Variants in CNBD1 observed in about 807,000 individuals in gnomAD.
CNBD1 encodes cyclic nucleotide-binding domain-containing protein 1.
In CNBD1, 71 loss-of-function variants were observed where a neutral mutation model predicts 54.4. That is an observed-to-expected ratio of 1.30 (90% CI 1.08 to 1.59). The LOEUF is 1.59. CNBD1 is among the 40% of genes most tolerant of loss of function. The pLI is 0.00. For synonymous variants in CNBD1, 182 were observed against 170.7 expected, an observed-to-expected ratio of 1.07 and a Z score of -0.51; for missense variants, 659 against 518.0, an observed-to-expected ratio of 1.27 and a Z score of -2.64.
At chr8:87,017,642 C>CT (rs1809391662) in intron 4 of CNBD1, among the ~76,000 whole-genome samples, 1 of 152,150 alleles carries the variant, frequency 6.6e-6, no homozygotes, top group East Asian at 1.9e-4. Context: ...CCTAATAGCT[C>CT]TCGTGAGCTG....
chr8:86,997,333 T>C (rs1019959242), intron 4 of CNBD1, among the ~76,000 whole-genome samples: 3 of 152,184 alleles, frequency 2.0e-5, no homozygotes, highest in African/African-American at 7.2e-5. Context: ...TTGAGCATCA[T>C]TGCTGTTTTC....
intron 8 of CNBD1, among the ~76,000 whole-genome samples, chr8:87,303,905 A>T (rs1341433421): frequency 6.6e-6 from 1 of 152,220 alleles, no homozygotes; most frequent in African/African-American, 2.4e-5. Flanking sequence ...ATCACTGGCC[A>T]TCAGAGAAAT....
chr8:87,277,924 G>C (rs1808517559), intron 6 of CNBD1, among the ~76,000 whole-genome samples: 1 of 151,518 alleles, frequency 6.6e-6, no homozygotes, highest in Non-Finnish European at 1.5e-5. Flanking sequence ...AGATATTGGA[G>C]TTATTAGTTC....
chr8:87,168,294 T>G (rs1418402769), intron 4 of CNBD1, among the ~76,000 whole-genome samples: 1 of 152,024 alleles, frequency 6.6e-6, no homozygotes, highest in South Asian at 2.1e-4. Flanking sequence ...TTATTTTTAT[T>G]TTATGGGTTC....
chr8:87,214,832 G>A (rs1175894409), intron 5 of CNBD1, among the ~76,000 whole-genome samples: 1 of 152,038 alleles, frequency 6.6e-6, no homozygotes, highest in Non-Finnish European at 1.5e-5. Flanking sequence ...ACTGCCATGA[G>A]AACAGTATGG....
At chr8:87,397,822 G>A (rs1003177330) in intron 2 of CNBD1, among the ~76,000 whole-genome samples, 4 of 151,948 alleles carry the variant, frequency 2.6e-5, no homozygotes, top group Non-Finnish European at 4.4e-5. Flanking sequence ...CTGAATCATG[G>A]GGGCAGGTCT....
intron 8 of CNBD1, among the ~76,000 whole-genome samples, chr8:87,302,441 C>T (rs533474410): frequency 2.2e-5 from 3 of 134,170 alleles, no homozygotes; most frequent in African/African-American, 8.2e-5. Context: ...TTCAACAACC[C>T]TTCATGCTAA....
chr8:87,315,703 G>A (rs1419191452), intron 8 of CNBD1, among the ~76,000 whole-genome samples: 1 of 151,982 alleles, frequency 6.6e-6, no homozygotes, highest in Non-Finnish European at 1.5e-5. Context: ...AGTTTTGGAG[G>A]GGTAAAATAT....
At chr8:87,244,404 A>G (rs1807760480) in intron 6 of CNBD1, among the ~76,000 whole-genome samples, 1 of 152,176 alleles carries the variant, frequency 6.6e-6, no homozygotes, top group Non-Finnish European at 1.5e-5. Context: ...TGGAGCTCCA[A>G]GACTTTCTTT....
chr8:87,341,391 T>C (rs755924658), intron 8 of CNBD1, among the ~76,000 whole-genome samples: 14 of 152,116 alleles, frequency 9.2e-5, no homozygotes, highest in Non-Finnish European at 1.9e-4. Context: ...TTCAGTCTTT[T>C]TTTCCATCCC....
chr8:87,354,824 G>T (rs1353247464), intron 10 of CNBD1, among the ~76,000 whole-genome samples: 4 of 152,100 alleles, frequency 2.6e-5, no homozygotes, highest in African/African-American at 7.2e-5. Context: ...CATTTGGGTT[G>T]GTTCCAAGTC....
intron 5 of CNBD1, among the ~76,000 whole-genome samples, chr8:87,219,031 CTGTT>C (rs921845991): frequency 6.6e-6 from 1 of 151,778 alleles, no homozygotes; most frequent in Non-Finnish European, 1.5e-5. Flanking sequence ...TAATAAGAAA[CTGTT>C]TTCCTTCTCT....
intron 4 of CNBD1, among the ~76,000 whole-genome samples, chr8:87,052,682 T>C (rs1306537320): frequency 1.3e-5 from 2 of 152,180 alleles, no homozygotes; most frequent in African/African-American, 4.8e-5. Flanking sequence ...TCTTTGGCTA[T>C]AGGAGACATG....
intron 8 of CNBD1, among the ~76,000 whole-genome samples, chr8:87,333,498 A>T (rs1421859489): frequency 6.6e-6 from 1 of 152,110 alleles, no homozygotes; most frequent in African/African-American, 2.4e-5. Context: ...TCAGTATGAT[A>T]TTGGCTGTGG....
At chr8:87,049,907 C>A (rs1408248906) in intron 4 of CNBD1, among the ~76,000 whole-genome samples, 1 of 152,206 alleles carries the variant, frequency 6.6e-6, no homozygotes, top group African/African-American at 2.4e-5. Flanking sequence ...GCCACCAAAT[C>A]AAGCCCCTTA....
At chr8:87,103,123 G>A (rs1758170039) in intron 4 of CNBD1, among the ~76,000 whole-genome samples, 1 of 152,152 alleles carries the variant, frequency 6.6e-6, no homozygotes. Flanking sequence ...TTTCACCAAA[G>A]GATCTGTGCT....
At chr8:86,878,681 A>G (rs1808561951) in intron 1 of CNBD1, among the ~76,000 whole-genome samples, 1 of 152,066 alleles carries the variant, frequency 6.6e-6, no homozygotes, top group African/African-American at 2.4e-5. Context: ...ATGTCTGAAC[A>G]TCTTCCCATT....
At chr8:87,309,548 T>C (rs1277233946) in intron 8 of CNBD1, among the ~76,000 whole-genome samples, 1 of 152,150 alleles carries the variant, frequency 6.6e-6, no homozygotes, top group Non-Finnish European at 1.5e-5. Flanking sequence ...TTTCTAGAAT[T>C]CCTAAATTGA....
chr8:87,137,172 A>T (rs1812271260), intron 4 of CNBD1, among the ~76,000 whole-genome samples: 1 of 137,130 alleles, frequency 7.3e-6, no homozygotes, highest in East Asian at 2.1e-4. Flanking sequence ...AATTATATAT[A>T]TTATATTTTT....
Sources: allele counts gnomAD v4.1 joint callset (sites outside exome capture counted in the v4.1 genomes callset), GRCh38; gene constraint gnomAD v4.1.1; transcripts MANE v1.5; gene names NCBI Gene and HGNC (gene_info 2026-07-23, HGNC 2026-07-21).